OLFML2A: variants seen among roughly 807,000 people sequenced by gnomAD.
The protein encoded by OLFML2A is olfactomedin-like protein 2A.
A neutral mutation model predicts 60.9 loss-of-function variants in OLFML2A; 47 were observed. The ratio of observed to expected loss-of-function variants is 0.77; its 90% CI spans 0.61 to 0.98. The LOEUF (loss-of-function observed/expected upper bound fraction) is 0.98. Ranked by LOEUF, OLFML2A falls within the 50% of genes least tolerant of loss-of-function variation. The pLI is 0.00. For missense variants in OLFML2A, 922 were observed against 879.8 expected (o/e 1.05, Z -0.61); for synonymous variants, 372 against 375.0 (o/e 0.99, Z 0.09).
intron 1 of OLFML2A, among the ~76,000 whole-genome samples, chr9:124,782,600 T>G (rs1327431656): frequency 1.3e-5 from 2 of 152,196 alleles, no homozygotes; most frequent in African/African-American, 2.4e-5. Flanking sequence ...GGTCTGGCTC[T>G]TCCCCCTGGC....
At chr9:124,801,319 A>G in intron 4 of OLFML2A, 95 bp from the exon 5 acceptor site, 1 of 1,331,582 alleles carries the variant, frequency 7.5e-7, no homozygotes, top group South Asian at 1.3e-5. Flanking sequence ...CTGGGGCAAC[A>G]TGGCCACCTC....
At chr9:124,801,783 G>A in intron 5 of OLFML2A, 120 bp downstream of exon 5, 1 of 1,132,542 alleles carries the variant, frequency 8.8e-7, no homozygotes. Flanking sequence ...TTACCTGTTG[G>A]GTGCCCTCTG....
In OLFML2A at chr9:124,801,579, C is replaced by T. The variant is rs199848350; in HGVS notation, c.835C>T (p.Arg279Cys). Residue 279 changes from arginine to cysteine, a missense_variant, in exon 5 of 8, where the codon CGC (arginine) becomes TGC (cysteine). Arg to Cys is a radical substitution (Grantham distance 180). Transcript: ENST00000373580. ...TTTCCTCCAGCCCACAGCCAAGCCC[C>T]GCGCCCTGGCCCAGCAGCAGGCTGT... The part of the protein sequence containing the change: ...GSFLQPTAKP[R>C]ALAQQQAVIR... The T allele has an allele frequency of 5.1e-5, 82 of 1,613,886 alleles. 1 individual carries two copies. The highest frequency in any genetic ancestry group is 2.5e-4 in the Admixed American group (15 of 59,986).
chr9:124,793,042 C>A (rs1443156443), intron 2 of OLFML2A, among the ~76,000 whole-genome samples: 1 of 152,220 alleles, frequency 6.6e-6, no homozygotes, highest in Non-Finnish European at 1.5e-5. Flanking sequence ...CAAAGAAAAG[C>A]TCCCTGGCTT....
At chr9:124,788,309 A>T (rs557754442) in intron 2 of OLFML2A, among the ~76,000 whole-genome samples, 8 of 150,788 alleles carry the variant, frequency 5.3e-5, no homozygotes, top group Non-Finnish European at 1.2e-4. Context: ...CTCAAAAAAA[A>T]AAAATAAAGA....
chr9:124,804,166 A>G lies in OLFML2A; in HGVS notation c.992A>G (p.Glu331Gly), dbSNP rs1841840926. Residue 331 changes from glutamate (E) to glycine (G), a missense_variant, in exon 6 of 8, where the codon GAG (glutamate) becomes GGG (glycine). By Grantham distance (98) the Glu-to-Gly change is moderately conservative. Coordinates refer to ENST00000373580, the MANE Select transcript of OLFML2A (RefSeq NM_182487.4). ...PKVEGRSNSAEPNSAEQDEAE... is the reference protein window; with the variant it reads ...PKVEGRSNSAGPNSAEQDEAE... ...GTGGAGGGCAGGTCCAACTCCGCAG[A>G]GCCCAACTCCGCAGAGCAGGATGAG... The G allele has an allele frequency of 6.2e-7, 1 of 1,613,794 alleles. No homozygotes were observed. The highest frequency in any genetic ancestry group is 8.5e-7 in the Non-Finnish European group (1 of 1,179,718).
chr9:124,811,082 C>G lies in OLFML2A; in HGVS notation c.*670C>G, dbSNP rs946052038. The G allele has an allele frequency of 6.5e-6, 1 of 152,876 alleles. No homozygotes were observed. The highest frequency in any genetic ancestry group is 2.4e-5 in the African/African-American group (1 of 41,442). The allele number at this position is 152,876 out of a possible 1,614,324, so 9.5% of individuals were successfully genotyped here. A position where few individuals can be genotyped will look rare whatever the true frequency, so the allele number is the denominator to read the frequency against. ...CGGCCACATTCCAAACCTCTACCGT[C>G]ACCTAGCTGCTGAGCAGAAACCGCA... On this transcript the variant is annotated 3_prime_UTR_variant, in exon 8 of 8. Transcript: ENST00000373580.
intron 1 of OLFML2A, among the ~76,000 whole-genome samples, chr9:124,785,983 A>C (rs1841462606): frequency 6.6e-6 from 1 of 152,052 alleles, no homozygotes; most frequent in Non-Finnish European, 1.5e-5. Flanking sequence ...GTGTGGTCTC[A>C]TGCACCTACA....
chr9:124,801,589 C>G lies in OLFML2A; in HGVS notation c.845C>G (p.Ala282Gly). ...LQPTAKPRALAQQQAVIRGFT... is the reference protein window; with the variant it reads ...LQPTAKPRALGQQQAVIRGFT... ...CCCACAGCCAAGCCCCGCGCCCTGG[C>G]CCAGCAGCAGGCTGTGATCCGGGGC... Residue 282 changes from alanine to glycine, a missense_variant, in exon 5 of 8, where the codon GCC becomes GGC. Transcript: ENST00000373580. 1.2e-6 allele frequency: 2 copies of G among 1,614,010 alleles called. No individual in the cohort carries two copies. The highest frequency in any genetic ancestry group is 1.7e-6 in the Non-Finnish European group (2 of 1,180,014).
chr9:124,787,130 G>C lies in OLFML2A; in HGVS notation c.246G>C (p.Ser82=). ...EDFYTVETVS[S]GTDCRCSCTA... is the part of the protein sequence containing the mutation. ...TCTACACGGTGGAGACTGTGAGCTC[G>C]GGCACTGACTGCCGCTGCTCCTGTA... is the stretch of plus-strand genomic sequence containing the variant. Residue 82 remains serine (S), a synonymous_variant, in exon 2 of 8, where the codon TCG becomes TCC. Transcript: ENST00000373580. 4 of 1,614,186 alleles carry C rather than the reference G, an allele frequency of 2.5e-6. No individual in the cohort carries two copies. The highest frequency in any genetic ancestry group is 3.4e-6 in the Non-Finnish European group (4 of 1,180,034).
chr9:124,811,039 C>G lies in OLFML2A; in HGVS notation c.*627C>G, dbSNP rs1842010820. ...TCTTTGGCCAGCCCCCTCAGCCCAG[C>G]CCACCCCACCCGCTGTCCGGCCACA... On this transcript the variant is annotated 3_prime_UTR_variant, in exon 8 of 8. Transcript: ENST00000373580. 1 of 153,014 alleles carries G rather than the reference C, an allele frequency of 6.5e-6. No individual in the cohort carries two copies. The highest frequency in any genetic ancestry group is 2.4e-5 in the African/African-American group (1 of 41,372). 9.5% of individuals were successfully genotyped at this position (153,014 alleles called of 1,614,324 possible).
At chr9:124,805,346 G>A (rs1346462204) in intron 6 of OLFML2A, among the ~76,000 whole-genome samples, 1 of 152,114 alleles carries the variant, frequency 6.6e-6, no homozygotes, top group African/African-American at 2.4e-5. Flanking sequence ...CATTTCTAAT[G>A]TCAGAAAACT....
At chr9:124,794,902 G>T in intron 2 of OLFML2A, 122 bp from the exon 3 acceptor site, 1 of 598,170 alleles carries the variant, frequency 1.7e-6, no homozygotes, top group South Asian at 2.1e-5. Flanking sequence ...GATTACAGGC[G>T]TGAGCCACAG....
At chr9:124,797,428 A>C (rs1163659233) in intron 3 of OLFML2A, among the ~76,000 whole-genome samples, 6 of 152,168 alleles carry the variant, frequency 3.9e-5, no homozygotes, top group African/African-American at 1.4e-4. Flanking sequence ...TACTGGCCCA[A>C]AGTTACCCAG....
intron 4 of OLFML2A, chr9:124,800,925 A>T (rs1321163371): frequency 2.5e-5 from 38 of 1,540,980 alleles, no homozygotes; most frequent in Non-Finnish European, 3.3e-5. Context: ...CTGGGACTTG[A>T]GGGTTTTTCC....
intron 6 of OLFML2A, among the ~76,000 whole-genome samples, chr9:124,804,952 C>T (rs979261198): frequency 6.6e-6 from 1 of 152,178 alleles, no homozygotes; most frequent in Admixed American, 6.5e-5. Context: ...ATCCTCCCAT[C>T]TCAGCCTCCC....
intron 6 of OLFML2A, among the ~76,000 whole-genome samples, chr9:124,806,729 C>G (rs1841902157): frequency 6.6e-6 from 1 of 151,990 alleles, no homozygotes; most frequent in Non-Finnish European, 1.5e-5. Context: ...CCTGCCTCAG[C>G]CTCCAGAGTA....
At position 124,782,923 on chromosome 9, in the gene OLFML2A, G is replaced by A. The variant is rs140728967; in HGVS notation, c.91-4052G>A. Among the ~76,000 whole-genome samples the A allele has an allele frequency of 2.2e-3, 342 of 152,210 alleles. 1 individual carries two copies. The highest frequency in any genetic ancestry group is 0.014 in the Middle Eastern group (4 of 294). On this transcript the variant is annotated intron_variant, in intron 1 of 7. Coordinates refer to ENST00000373580, the MANE Select transcript of OLFML2A (RefSeq NM_182487.4). ...GCTAGGCTCTTGACCCCATCTGGGG[G>A]AGTGGGTGGAGTGGCAAGAGATTCC...
rs1841485309 is a variant in OLFML2A at position 124,786,964 on chromosome 9, C to T, written c.91-11C>T. ...GCAACTCACTGGAGCCCCTCTTGCC[C>T]CCCGCAACAGGTGTTTGGGGACCTG... On this transcript the variant is annotated splice_polypyrimidine_tract_variant and intron_variant, in intron 1 of 7. Transcript: ENST00000373580. 1.9e-6 allele frequency: 3 copies of T among 1,603,004 alleles called. No individual in the cohort carries two copies. The highest frequency in any genetic ancestry group is 1.7e-6 in the Non-Finnish European group (2 of 1,172,084).
Sources: gnomAD v4.1 joint callset for allele counts (sites outside exome capture counted in the v4.1 genomes callset) on GRCh38, gnomAD v4.1.1 for gene constraint, MANE v1.5 for transcripts, NCBI Gene and HGNC (gene_info 2026-07-23, HGNC 2026-07-21) for gene names.